FGFR2: variants seen among roughly 807,000 people sequenced by gnomAD.
The protein encoded by FGFR2 is BEK fibroblast growth factor receptor.
A neutral mutation model predicts 95.9 loss-of-function variants in FGFR2; 19 were observed. The ratio of observed to expected loss-of-function variants is 0.20; its 90% CI spans 0.14 to 0.29. The LOEUF (loss-of-function observed/expected upper bound fraction) is 0.29, where lower values mean the gene tolerates loss of function less well. Among genes scored for constraint, FGFR2 ranks in the 10% least tolerant of loss-of-function variants. The pLI, the probability that FGFR2 is intolerant of heterozygous loss-of-function variation, is 1.00. For synonymous variants in FGFR2, 392 were observed against 393.3 expected, an observed-to-expected ratio of 1.00 and a Z score of 0.04; for missense variants, 707 against 1,056.9, an observed-to-expected ratio of 0.67 and a Z score of 4.59.
intron 2 of FGFR2, among the ~76,000 whole-genome samples, chr10:121,586,542 T>C (rs746000579): frequency 4.6e-5 from 7 of 152,224 alleles, no homozygotes; most frequent in Non-Finnish European, 1.0e-4. Context: ...AAGTCCACAA[T>C]GGCGCAGAAT....
At chr10:121,594,147 C>A (rs1424761391) in intron 1 of FGFR2, 180 bp from the exon 2 acceptor site, 1 of 491,080 alleles carries the variant, frequency 2.0e-6, no homozygotes, top group East Asian at 3.5e-5. Context: ...GACCGGTCCA[C>A]AGAAATGTGT....
chr10:121,550,934 T>C (rs894249861), intron 5 of FGFR2, among the ~76,000 whole-genome samples: 4 of 152,056 alleles, frequency 2.6e-5, no homozygotes, highest in African/African-American at 9.7e-5. Flanking sequence ...TAAACAAAAA[T>C]GTAGGGCTGG....
chr10:121,540,050 C>T (rs1241487558), intron 5 of FGFR2, among the ~76,000 whole-genome samples: 6 of 152,180 alleles, frequency 3.9e-5, no homozygotes, highest in Admixed American at 2.6e-4. Context: ...AGTTCTAAAA[C>T]GAGGTCGCTG....
rs919905825 is a variant in FGFR2 at position 121,589,479 on chromosome 10, G to C, written c.109+4230C>G. On this transcript the variant is annotated intron_variant, in intron 2 of 17. Coordinates refer to ENST00000358487, the MANE Select transcript of FGFR2 (RefSeq NM_000141.5). ...ACCCTCAACTGGGTCAGAAAGACTT[G>C]AAAGGAATAAAGTCTTTACTTATGG... 3.9e-5 allele frequency among the ~76,000 whole-genome samples: 6 copies of C among 152,256 alleles called. No individual in the cohort carries two copies. The East Asian group carries it at 1.2e-3, about 29-fold the overall frequency.
intron 8 of FGFR2, among the ~76,000 whole-genome samples, chr10:121,515,547 A>C (rs1311455320): frequency 1.3e-5 from 2 of 152,174 alleles, no homozygotes; most frequent in Non-Finnish European, 2.9e-5. Flanking sequence ...CCTGCAATCC[A>C]GTGAGTGGTT....
chr10:121,569,199 TTTTTCTTTTCTTTTC>T (rs141842032), intron 2 of FGFR2, among the ~76,000 whole-genome samples: 2 of 137,816 alleles, frequency 1.5e-5, no homozygotes, highest in South Asian at 2.2e-4. Context: ...TCTGGGTTTC[TTTTTCTTTTCTTTTC>T]TTTTCTTTTC....
At chr10:121,536,009 C>T (rs369788839) in intron 6 of FGFR2, among the ~76,000 whole-genome samples, 7 of 152,224 alleles carry the variant, frequency 4.6e-5, no homozygotes, top group African/African-American at 9.6e-5. Context: ...AATGGGACTT[C>T]GCTTTCACTG....
chr10:121,525,453 C>T (rs1851225382), intron 6 of FGFR2, among the ~76,000 whole-genome samples: 1 of 152,124 alleles, frequency 6.6e-6, no homozygotes, highest in Non-Finnish European at 1.5e-5. Context: ...CTCTCGGTCT[C>T]GCCCCCTTTC....
chr10:121,544,342 G>A (rs530451094), intron 5 of FGFR2, among the ~76,000 whole-genome samples: 103 of 151,978 alleles, frequency 6.8e-4, no homozygotes, highest in African/African-American at 2.4e-3. Flanking sequence ...TACTCAGGAG[G>A]CTGAGGCAGG....
chr10:121,535,429 G>A (rs1354431148), intron 6 of FGFR2, among the ~76,000 whole-genome samples: 2 of 152,192 alleles, frequency 1.3e-5, no homozygotes, highest in Non-Finnish European at 2.9e-5. Flanking sequence ...GGACAAACCT[G>A]CTGTTCATTC....
At chr10:121,501,530 G>A (rs779629028) in intron 10 of FGFR2, among the ~76,000 whole-genome samples, 1 of 152,058 alleles carries the variant, frequency 6.6e-6, no homozygotes, top group African/African-American at 2.4e-5. Flanking sequence ...AATTAACAAT[G>A]AAGAAAATCC....
intron 4 of FGFR2, among the ~76,000 whole-genome samples, chr10:121,563,910 T>C (rs1200332269): frequency 6.6e-6 from 1 of 152,224 alleles, no homozygotes; most frequent in East Asian, 1.9e-4. Context: ...GCACACGTCC[T>C]TCATTTTCAC....
intron 17 of FGFR2, among the ~76,000 whole-genome samples, chr10:121,480,798 G>A (rs1844574174): frequency 6.6e-6 from 1 of 152,060 alleles, no homozygotes; most frequent in Non-Finnish European, 1.5e-5. Flanking sequence ...TCCAGTGCTG[G>A]TGCTGCAAAA....
chr10:121,488,415 C>T (rs971718813), intron 13 of FGFR2, among the ~76,000 whole-genome samples: 12 of 151,656 alleles, frequency 7.9e-5, no homozygotes, highest in Non-Finnish European at 1.5e-4. Flanking sequence ...GTGGTGTGCA[C>T]CTGTAGTCCC....
chr10:121,500,997 A>C, intron 10 of FGFR2, 50 bp from the exon 11 acceptor site: 1 of 1,609,772 alleles, frequency 6.2e-7, no homozygotes, highest in Non-Finnish European at 8.5e-7. Flanking sequence ...GATGGGGTGT[A>C]GTGAGGGAAA....
intron 12 of FGFR2, among the ~76,000 whole-genome samples, chr10:121,497,638 A>C (rs1847051579): frequency 6.6e-6 from 1 of 152,196 alleles, no homozygotes; most frequent in Non-Finnish European, 1.5e-5. Context: ...GTTCCCTTAC[A>C]CACGTGTGCA....
At position 121,517,944 on chromosome 10, in the gene FGFR2, G is replaced by C. The variant is rs931641770; in HGVS notation, c.940-481C>G. 6 of 382,894 alleles carry C rather than the reference G, an allele frequency of 1.6e-5. No homozygotes were observed. The highest frequency in any genetic ancestry group is 1.3e-4 in the African/African-American group (6 of 47,652). The allele number at this position is 382,894 out of a possible 1,614,324, so 23.7% of individuals were successfully genotyped here. ...CTCCTGGCCCTGTGGGAACCAATTG[G>C]GGTGGAAGGTTGTCTTGGTTACCAG... On this transcript the variant is annotated intron_variant, in intron 7 of 17. Transcript: ENST00000358487. The surrounding 1 kb of genome is among the most constrained non-coding windows in gnomAD (Gnocchi z 4.7).
intron 2 of FGFR2, among the ~76,000 whole-genome samples, chr10:121,587,287 C>T (rs1347685311): frequency 6.6e-6 from 1 of 152,132 alleles, no homozygotes; most frequent in African/African-American, 2.4e-5. Context: ...AATGTCAAAT[C>T]CAAAACTATA....
chr10:121,573,407 G>A lies in FGFR2; in HGVS notation c.110-7703C>T, dbSNP rs45631622. 6.2e-4 allele frequency among the ~76,000 whole-genome samples: 95 copies of A among 152,228 alleles called. 2 individuals are homozygous for A. Among genetic ancestry groups the A allele is most frequent in the Admixed American group, 1.5e-3 (23 of 15,290 alleles). On this transcript the variant is annotated intron_variant, in intron 2 of 17. Transcript: ENST00000358487. ...CTAGTTCCAAGGATGCGGTGGGGTC[G>A]TCCTGGAACCCATCCCACTGAGGTT...
Sources: allele counts gnomAD v4.1 joint callset (sites outside exome capture counted in the v4.1 genomes callset), GRCh38; gene constraint gnomAD v4.1.1; non-coding constraint Gnocchi (gnomAD v3.1); transcripts MANE v1.5; gene names NCBI Gene and HGNC (gene_info 2026-07-23, HGNC 2026-07-21).